Variants in AARS1 observed in about 807,000 individuals in gnomAD.
AARS1 encodes alanine--tRNA ligase, cytoplasmic.
In AARS1, 72 loss-of-function variants were observed where a neutral mutation model predicts 108.9. That is an observed-to-expected ratio of 0.66 (90% CI 0.55 to 0.80). AARS1 has a LOEUF of 0.80. AARS1 is among the 30% of genes least tolerant of loss of function. The pLI is 0.00. For synonymous variants in AARS1, 489 were observed against 465.7 expected (o/e 1.05, Z -0.64); for missense variants, 1,193 against 1,233.2 (o/e 0.97, Z 0.49).
chr16:70,267,651 G>C lies in AARS1; in HGVS notation c.1222+8C>G, dbSNP rs1567606651. The C allele has an allele frequency of 6.2e-7, 1 of 1,614,144 alleles. No homozygotes were observed. The highest frequency in any genetic ancestry group is 8.5e-7 in the Non-Finnish European group (1 of 1,180,028). ...CCAGGATGGAGAAGGGCAAAAACTG[G>C]TACCTACCGGGAATGGTCTTGCTGT... On this transcript the variant is annotated splice_region_variant and intron_variant, in intron 9 of 20. Coordinates refer to ENST00000261772, the MANE Select transcript of AARS1 (RefSeq NM_001605.3).
chr16:70,277,563 A>T (rs533247323), intron 2 of AARS1, among the ~76,000 whole-genome samples: 3 of 152,188 alleles, frequency 2.0e-5, no homozygotes, highest in Admixed American at 2.0e-4. Context: ...AGAAAAAAAA[A>T]CTGACACATA....
At chr16:70,276,910 G>C in intron 3 of AARS1, 56 bp downstream of exon 3, 1 of 1,575,854 alleles carries the variant, frequency 6.3e-7, no homozygotes, top group Non-Finnish European at 8.7e-7. Context: ...CCAGTTCCCA[G>C]TGTGGAAAAG....
At chr16:70,265,136 A>G (rs753274056) in intron 10 of AARS1, 34 bp from the exon 11 acceptor site, 22 of 1,613,250 alleles carry the variant, frequency 1.4e-5, no homozygotes, top group East Asian at 2.2e-5. Context: ...AAGTTACCGT[A>G]AAGTAGGAGA....
intron 1 of AARS1, 75 bp from the exon 2 acceptor site, chr16:70,282,859 C>T: frequency 6.8e-7 from 1 of 1,464,664 alleles, no homozygotes; most frequent in Non-Finnish European, 9.5e-7. Flanking sequence ...AGACTTCTGG[C>T]TTCTCAAGCC....
Position 70,258,076 on chromosome 16 carries a change from C to G in AARS1, c.2134G>C (p.Gly712Arg). The part of the protein sequence containing the change: ...PVSELLDDPS[G>R]PAGSLTSVEF... ...ACAGAAGTCAGGGAGCCAGCAGGCC[C>G]AGAGGGGTCATCCAGCAACTCGGAC... The change falls in exon 15 of 21, where the codon GGG becomes CGG. Residue 712 changes from glycine to arginine, a missense_variant. By Grantham distance (125) the Gly-to-Arg change is moderately radical (BLOSUM62 -2). Coordinates refer to ENST00000261772, the MANE Select transcript of AARS1 (RefSeq NM_001605.3). The G allele has an allele frequency of 6.2e-7, 1 of 1,614,154 alleles. No homozygotes were observed.
intron 1 of AARS1, among the ~76,000 whole-genome samples, chr16:70,285,539 C>T (rs1415850521): frequency 6.6e-6 from 1 of 152,164 alleles, no homozygotes; most frequent in Non-Finnish European, 1.5e-5. Context: ...GCTTCCACCT[C>T]CCAAGTTCCT....
intron 1 of AARS1, among the ~76,000 whole-genome samples, chr16:70,284,179 G>A (rs1275724073): frequency 6.6e-6 from 1 of 151,940 alleles, no homozygotes; most frequent in Non-Finnish European, 1.5e-5. Flanking sequence ...GGTGGCAGGC[G>A]CCTGTAGTCC....
chr16:70,273,346 TTCACAGCACAGAACACATA>T (rs1214787320), intron 4 of AARS1, among the ~76,000 whole-genome samples: 1 of 152,166 alleles, frequency 6.6e-6, no homozygotes, highest in Non-Finnish European at 1.5e-5. Context: ...TTCGACCAAG[TTCACAGCACAGAACACATA>T]TAGCTCACCT....
intron 10 of AARS1, 153 bp downstream of exon 10, chr16:70,265,385 T>C: frequency 1.6e-6 from 2 of 1,243,400 alleles, no homozygotes; most frequent in Admixed American, 3.5e-5. Flanking sequence ...AATTACTCCC[T>C]GGAAGGCAGA....
chr16:70,281,715 G>A (rs1181694659), intron 2 of AARS1, among the ~76,000 whole-genome samples: 1 of 152,056 alleles, frequency 6.6e-6, no homozygotes, highest in Non-Finnish European at 1.5e-5. Flanking sequence ...AAGCTGACAT[G>A]GTAGAGCATG....
chr16:70,259,146 T>C lies in AARS1; in HGVS notation c.1826A>G (p.His609Arg). Residue 609 changes from histidine to arginine, a missense_variant, in exon 14 of 21, where the codon CAC becomes CGC. Transcript: ENST00000261772. ...RPIMSNHTAT[H>R]ILNFALRSVL... ...TGAGCGCAGGGCGAAGTTCAGAATG[T>C]GCGTAGCTGTGTGGTTGCTCATGAT... 3 of 1,614,166 alleles carry C rather than the reference T, an allele frequency of 1.9e-6. No homozygotes were observed. The highest frequency in any genetic ancestry group is 1.1e-5 in the South Asian group (1 of 91,072).
chr16:70,265,488 T>G (rs1960240214), intron 10 of AARS1, 50 bp downstream of exon 10: 2 of 1,612,294 alleles, frequency 1.2e-6, no homozygotes, highest in South Asian at 1.1e-5. Context: ...AGCCAAGTGG[T>G]GCTGGGTTGG....
At chr16:70,265,287 T>C (rs555555245) in intron 10 of AARS1, 185 bp from the exon 11 acceptor site, 1 of 940,010 alleles carries the variant, frequency 1.1e-6, no homozygotes, top group African/African-American at 1.6e-5. Flanking sequence ...TGTGGGATGC[T>C]GAGGGGCACC....
At chr16:70,257,176 G>T (rs1046481330) in intron 15 of AARS1, among the ~76,000 whole-genome samples, 12 of 152,152 alleles carry the variant, frequency 7.9e-5, no homozygotes, top group African/African-American at 2.9e-4. Context: ...TTGAACCCTG[G>T]AGGTGGAGGT....
Position 70,277,028 on chromosome 16 carries a change from C to G in AARS1, c.271G>C (p.Asp91His). ...TCGAAGAAGGTGTGATGATAGACAT[C>G]CTTGCCCACATCGTCCAGGTCATTA... ...KHNDLDDVGK[D>H]VYHHTFFEML... The change falls in exon 3 of 21, where the codon GAT (aspartate) becomes CAT (histidine). Residue 91 changes from aspartate (D) to histidine (H), a missense_variant. Asp to His is a moderately conservative substitution (Grantham distance 81, BLOSUM62 -1). Transcript: ENST00000261772. 3.1e-6 allele frequency: 5 copies of G among 1,614,190 alleles called. No individual in the cohort carries two copies. Among genetic ancestry groups the G allele is most frequent in the Non-Finnish European group, 4.2e-6 (5 of 1,180,038 alleles).
chr16:70,280,807 T>C (rs1960679435), intron 2 of AARS1, among the ~76,000 whole-genome samples: 2 of 152,152 alleles, frequency 1.3e-5, no homozygotes, highest in Non-Finnish European at 2.9e-5. Context: ...TCTCTCACGA[T>C]AAACCTTTCA....
At chr16:70,268,027 G>C (rs562053402) in intron 8 of AARS1, among the ~76,000 whole-genome samples, 1 of 152,204 alleles carries the variant, frequency 6.6e-6, no homozygotes, top group Non-Finnish European at 1.5e-5. Flanking sequence ...GATTAGCCAG[G>C]CTTGGCGGTG....
At chr16:70,276,305 G>A in intron 4 of AARS1, 181 bp downstream of exon 4, 1 of 643,798 alleles carries the variant, frequency 1.6e-6, no homozygotes, top group South Asian at 1.7e-5. Flanking sequence ...AGTGATCTCA[G>A]GTCACTGCAA....
At chr16:70,255,892 G>T (rs1269690366) in intron 15 of AARS1, 56 bp from the exon 16 acceptor site, 1 of 1,522,528 alleles carries the variant, frequency 6.6e-7, no homozygotes, top group South Asian at 1.2e-5. Context: ...CCCTTGGCTG[G>T]GGGGTCACAC....
Sources: gnomAD v4.1 joint callset for allele counts (sites outside exome capture counted in the v4.1 genomes callset) on GRCh38, gnomAD v4.1.1 for gene constraint, MANE v1.5 for transcripts, NCBI Gene and HGNC (gene_info 2026-07-23, HGNC 2026-07-21) for gene names.